Variants in TTC6 observed in about 807,000 individuals in gnomAD.
TTC6 encodes the protein tetratricopeptide repeat domain 6.
TTC6 carries 172 observed loss-of-function variants against 210.4 expected under a neutral mutation model. The ratio of observed to expected loss-of-function variants is 0.82; its 90% confidence interval spans 0.72 to 0.93. The LOEUF is 0.93. TTC6 is among the 40% of genes least tolerant of loss of function. The pLI, the probability that TTC6 is intolerant of heterozygous loss-of-function variation, is 0.00. For synonymous variants in TTC6, 804 were observed against 819.6 expected, an observed-to-expected ratio of 0.98 and a Z score of 0.32; for missense variants, 2,414 against 2,318.1, an observed-to-expected ratio of 1.04 and a Z score of -0.85.
intron 14 of TTC6, among the ~76,000 whole-genome samples, chr14:37,763,573 T>C (rs1198930414): frequency 6.6e-6 from 1 of 152,178 alleles, no homozygotes; most frequent in Non-Finnish European, 1.5e-5. Flanking sequence ...TTCTAAGTTC[T>C]TCCAATTTGT....
intron 26 of TTC6, among the ~76,000 whole-genome samples, chr14:37,818,071 T>A (rs554646547): frequency 2.8e-4 from 43 of 152,312 alleles, no homozygotes; most frequent in African/African-American, 1.0e-3. Context: ...GGGTGATTTT[T>A]AAAAATTATG....
intron 10 of TTC6, among the ~76,000 whole-genome samples, chr14:37,740,500 TTTATAG>T (rs1391523313): frequency 2.0e-5 from 3 of 152,192 alleles, no homozygotes; most frequent in Admixed American, 1.3e-4. Context: ...AATTGTTCAC[TTTATAG>T]TTATAAAGAC....
chr14:37,699,791 A>G (rs555946261), intron 4 of TTC6, among the ~76,000 whole-genome samples: 138 of 152,274 alleles, frequency 9.1e-4, no homozygotes, highest in Non-Finnish European at 1.2e-3. Flanking sequence ...TCTATCTTCA[A>G]AAGGAGGAAT....
intron 1 of TTC6, among the ~76,000 whole-genome samples, chr14:37,660,340 A>T (rs771555325): frequency 2.9e-4 from 44 of 152,090 alleles, no homozygotes; most frequent in Non-Finnish European, 5.4e-4. Context: ...CTTAGGTATT[A>T]AGCCCATCAT....
chr14:37,633,528 T>C (rs1174724741), intron 1 of TTC6, among the ~76,000 whole-genome samples: 2 of 152,312 alleles, frequency 1.3e-5, no homozygotes, highest in South Asian at 2.1e-4. Flanking sequence ...GCCTACTGCA[T>C]TGATCTCGCT....
At chr14:37,795,628 T>C (rs2096090971) in intron 18 of TTC6, among the ~76,000 whole-genome samples, 1 of 152,178 alleles carries the variant, frequency 6.6e-6, no homozygotes, top group Non-Finnish European at 1.5e-5. Flanking sequence ...AGTCATATGG[T>C]TATCACATAT....
In TTC6 at chr14:37,827,193, C is replaced by T. The variant is rs2096173838; in HGVS notation, c.5128-3C>T. The T allele has an allele frequency of 6.2e-7, 1 of 1,607,478 alleles. No individual in the cohort carries two copies. Among genetic ancestry groups the T allele is most frequent in the South Asian group, 1.1e-5 (1 of 90,164 alleles). ...GTTAAATAATCATAATATTATACTG[C>T]AGATCAGTACTACAGCAGAATTCTT... On this transcript the variant is annotated splice_polypyrimidine_tract_variant and splice_region_variant and intron_variant, in intron 28 of 30. Coordinates refer to ENST00000553443, the Ensembl canonical transcript of TTC6.
intron 3 of TTC6, among the ~76,000 whole-genome samples, chr14:37,686,377 T>C (rs942989355): frequency 4.6e-5 from 7 of 152,198 alleles, no homozygotes; most frequent in African/African-American, 1.2e-4. Context: ...AGCCTCCCAA[T>C]GTTGGTTTTG....
intron 3 of TTC6, among the ~76,000 whole-genome samples, chr14:37,685,494 A>G (rs1254305696): frequency 6.6e-6 from 1 of 152,196 alleles, no homozygotes; most frequent in African/African-American, 2.4e-5. Flanking sequence ...ACTCTGTCAT[A>G]TGGATGAATA....
chr14:37,649,868 T>C (rs1467370685), intron 1 of TTC6, among the ~76,000 whole-genome samples: 1 of 152,200 alleles, frequency 6.6e-6, no homozygotes, highest in Non-Finnish European at 1.5e-5. Context: ...TATTCTTTGA[T>C]GTTATATATT....
intron 10 of TTC6, among the ~76,000 whole-genome samples, chr14:37,743,010 A>G (rs1487256979): frequency 4.6e-5 from 7 of 152,236 alleles, no homozygotes; most frequent in Non-Finnish European, 1.0e-4. Context: ...ATATTGAGCA[A>G]AACATTTGAA....
intron 17 of TTC6, among the ~76,000 whole-genome samples, chr14:37,793,503 CAT>C (rs1278253937): frequency 6.6e-6 from 1 of 152,210 alleles, no homozygotes; most frequent in African/African-American, 2.4e-5. Flanking sequence ...ACTAGAGTCC[CAT>C]TCAGAGTCCT....
At position 37,736,059 on chromosome 14, in the gene TTC6, A is replaced by G. The variant is rs569656945; in HGVS notation, c.1908+49A>G. 1,501 of 957,392 alleles carry G rather than the reference A, an allele frequency of 1.6e-3. 15 individuals carry two copies. The Middle Eastern group carries it at 0.039, about 25-fold the overall frequency. 59.3% of individuals were successfully genotyped at this position (957,392 alleles called of 1,614,324 possible). A position where few individuals can be genotyped will look rare whatever the true frequency, so the allele number is the denominator to read the frequency against. ...TTAGGATTGTTTACTCTATCTGCCT[A>G]CAGTCCAGATATTAATTATGGTAAT... On this transcript the variant is annotated intron_variant, in intron 8 of 30. Coordinates refer to ENST00000553443, the Ensembl canonical transcript of TTC6.
At chr14:37,652,286 T>A (rs1216924904) in intron 1 of TTC6, among the ~76,000 whole-genome samples, 1 of 152,142 alleles carries the variant, frequency 6.6e-6, no homozygotes, top group Non-Finnish European at 1.5e-5. Context: ...TTGCACAGGT[T>A]GAGGAGCGAT....
chr14:37,654,526 A>C (rs552080775), intron 1 of TTC6, among the ~76,000 whole-genome samples: 1 of 152,044 alleles, frequency 6.6e-6, no homozygotes, highest in East Asian at 1.9e-4. Flanking sequence ...AGATGCCGCT[A>C]TGCTTCCTGT....
At chr14:37,842,573 C>T (rs1212590248), downstream of TTC6, 4 of 215,436 alleles carry the variant, frequency 1.9e-5, no homozygotes, top group Admixed American at 1.7e-4. Context: ...TGTCTCTTAA[C>T]ATTTAAAATA....
At chr14:37,710,039 T>C (rs2138731188) in intron 5 of TTC6, among the ~76,000 whole-genome samples, 1 of 152,306 alleles carries the variant, frequency 6.6e-6, no homozygotes, top group South Asian at 2.1e-4. Flanking sequence ...GTATCTAGAA[T>C]AGAACCATTG....
chr14:37,727,117 G>T (rs932828396), intron 7 of TTC6, among the ~76,000 whole-genome samples: 1 of 151,416 alleles, frequency 6.6e-6, no homozygotes, highest in Admixed American at 6.6e-5. Flanking sequence ...CTGGCTATTA[G>T]ATATCGTGGC....
chr14:37,659,218 T>C (rs1468089268), intron 1 of TTC6, among the ~76,000 whole-genome samples: 1 of 152,208 alleles, frequency 6.6e-6, no homozygotes, highest in African/African-American at 2.4e-5. Context: ...GTATTTGCTA[T>C]TGTTAATAGT....
Sources: gnomAD v4.1 joint callset for allele counts (sites outside exome capture counted in the v4.1 genomes callset) on GRCh38, gnomAD v4.1.1 for gene constraint, MANE v1.5 for transcripts, NCBI Gene and HGNC (gene_info 2026-07-23, HGNC 2026-07-21) for gene names.